Variants in BCAS3 observed in about 807,000 individuals in gnomAD.
BCAS3 encodes the protein BCAS4/BCAS3 fusion.
Under a neutral mutation model 116.1 loss-of-function variants are expected in BCAS3, and 53 were observed. The ratio of observed to expected loss-of-function variants is 0.46; its 90% CI spans 0.37 to 0.57. The LOEUF (loss-of-function observed/expected upper bound fraction) is 0.57. BCAS3 is among the 20% of genes least tolerant of loss of function. The probability of loss-of-function intolerance (pLI) is 0.00; values close to 1 mark genes in which losing one functional copy is unlikely to be tolerated. For missense variants in BCAS3, 917 were observed against 1,165.4 expected (o/e 0.79, Z 3.10); for synonymous variants, 391 against 408.2 (o/e 0.96, Z 0.51).
intron 7 of BCAS3, among the ~76,000 whole-genome samples, chr17:60,822,359 A>G (rs866792648): frequency 1.3e-5 from 2 of 152,062 alleles, no homozygotes; most frequent in Admixed American, 1.3e-4. Flanking sequence ...TTCATTTTCA[A>G]TCCTTAATTC....
chr17:61,235,521 G>A lies in BCAS3; in HGVS notation c.2426-132806G>A, dbSNP rs1447208333. On this transcript the variant is annotated intron_variant, in intron 22 of 23. Coordinates refer to ENST00000407086, the MANE Select transcript of BCAS3 (RefSeq NM_017679.5). The surrounding 1 kb of genome is among the most constrained non-coding windows in gnomAD (Gnocchi z 5.0). ...GGCTTAATTTCATTCCAAACAGATT[G>A]TGAGGTGACTACGTAGTACAGAAGT... 6.6e-6 allele frequency among the ~76,000 whole-genome samples: 1 copy of A among 152,158 alleles called. No homozygotes were observed. Among genetic ancestry groups the A allele is most frequent in the Non-Finnish European group, 1.5e-5 (1 of 68,026 alleles).
chr17:61,190,892 C>T (rs1417492751), intron 22 of BCAS3, among the ~76,000 whole-genome samples: 5 of 152,014 alleles, frequency 3.3e-5, no homozygotes, highest in South Asian at 2.1e-4. Context: ...TGTGAGCCAC[C>T]GTGCCTGGAC....
At chr17:61,121,814 T>C (rs1207177311) in intron 22 of BCAS3, among the ~76,000 whole-genome samples, 1 of 152,226 alleles carries the variant, frequency 6.6e-6, no homozygotes, top group Admixed American at 6.5e-5. Flanking sequence ...CACTGCAATT[T>C]CCGCCTCCCG....
At chr17:60,761,041 T>A (rs1426692649) in intron 6 of BCAS3, among the ~76,000 whole-genome samples, 1 of 152,136 alleles carries the variant, frequency 6.6e-6, no homozygotes, top group African/African-American at 2.4e-5. Context: ...ATAATTCTTC[T>A]GTTCTAGAAT....
At position 61,013,829 on chromosome 17, in the gene BCAS3, G is replaced by C. The variant is rs1282829886; in HGVS notation, c.1487-1922G>C. On this transcript the variant is annotated intron_variant, in intron 15 of 23. Transcript: ENST00000407086. This position sits in a 1 kb window ranked among gnomAD's most constrained non-coding sequence, Gnocchi z 4.4. ...GTGTCCAAGGAAGAAGTAACATTTG[G>C]TTAAGCCACTATCCTAATTCTGAAG... Among the ~76,000 whole-genome samples, 1 of 152,050 alleles carries C rather than the reference G, an allele frequency of 6.6e-6. No homozygotes were observed. The highest frequency in any genetic ancestry group is 1.9e-4 in the East Asian group (1 of 5,200).
At chr17:60,734,956 A>C (rs1598371990) in intron 5 of BCAS3, among the ~76,000 whole-genome samples, 1 of 152,214 alleles carries the variant, frequency 6.6e-6, no homozygotes, top group African/African-American at 2.4e-5. Flanking sequence ...CTATCCATGA[A>C]TATGGAATGT....
At chr17:60,775,023 G>A (rs897030798) in intron 6 of BCAS3, among the ~76,000 whole-genome samples, 1 of 152,124 alleles carries the variant, frequency 6.6e-6, no homozygotes, top group Non-Finnish European at 1.5e-5. Context: ...TTAGGATAGC[G>A]CTTGGCATGT....
chr17:61,168,710 C>G (rs2078663694), intron 22 of BCAS3, among the ~76,000 whole-genome samples: 1 of 152,198 alleles, frequency 6.6e-6, no homozygotes, highest in Non-Finnish European at 1.5e-5. Flanking sequence ...GCTGCAAGAT[C>G]TGAGTCAGCG....
chr17:60,902,563 A>G, intron 10 of BCAS3, 57 bp from the exon 11 acceptor site: 2 of 1,367,036 alleles, frequency 1.5e-6, no homozygotes, highest in Non-Finnish European at 2.1e-6. Context: ...GATAGCCTGT[A>G]GAGTTAAACA....
intron 19 of BCAS3, among the ~76,000 whole-genome samples, chr17:61,055,004 G>C (rs147586138): frequency 6.6e-6 from 1 of 152,198 alleles, no homozygotes; most frequent in East Asian, 1.9e-4. Flanking sequence ...GCTATCTCAC[G>C]TAAGTTTAAG....
intron 6 of BCAS3, among the ~76,000 whole-genome samples, chr17:60,780,324 T>A (rs1487683024): frequency 6.7e-6 from 1 of 149,560 alleles, no homozygotes; most frequent in Admixed American, 6.7e-5. Context: ...TGAGACAGTG[T>A]CACCCTGTTG....
chr17:61,276,352 C>T lies in BCAS3; in HGVS notation c.2426-91975C>T, dbSNP rs115946613. The stretch of plus-strand genomic sequence containing the variant: ...TGGGCTACAGGACGAGACTCCATCT[C>T]AAAAACAAACAAACAAACAAACAAA... On this transcript the variant is annotated intron_variant, in intron 22 of 23. Coordinates refer to ENST00000407086, the MANE Select transcript of BCAS3 (RefSeq NM_017679.5). The surrounding 1 kb of genome is among the most constrained non-coding windows in gnomAD (Gnocchi z 4.2). Among the ~76,000 whole-genome samples, 2,979 of 151,942 alleles carry T rather than the reference C, an allele frequency of 0.02. 89 individuals are homozygous for T. Among genetic ancestry groups the T allele is most frequent in the African/African-American group, 0.067 (2,767 of 41,372 alleles).
intron 22 of BCAS3, among the ~76,000 whole-genome samples, chr17:61,182,899 T>A (rs2079560582): frequency 1.3e-5 from 2 of 152,266 alleles, no homozygotes. Context: ...TTTGCCTTTA[T>A]CTTCACTTGA....
chr17:61,328,506 C>T (rs1415349053), intron 22 of BCAS3, among the ~76,000 whole-genome samples: 3 of 152,236 alleles, frequency 2.0e-5, no homozygotes, highest in Non-Finnish European at 4.4e-5. Context: ...GTGGCTCACA[C>T]CTGTAATCCC....
chr17:60,751,581 T>A (rs944489014), intron 6 of BCAS3, among the ~76,000 whole-genome samples: 1 of 151,740 alleles, frequency 6.6e-6, no homozygotes. Context: ...TCACTCTTGT[T>A]GCCCAGGCTG....
rs2058826846 is a variant in BCAS3 at position 61,367,930 on chromosome 17, G to A, written c.2426-397G>A. ...CAAAGTGTTGGGATTGCAGGTGTAA[G>A]GCACCACTCCCCGCCCTAAATGAAA... is the stretch of plus-strand genomic sequence containing the variant. On this transcript the variant is annotated intron_variant, in intron 22 of 23. Coordinates refer to ENST00000407086, the MANE Select transcript of BCAS3 (RefSeq NM_017679.5). This position sits in a 1 kb window ranked among gnomAD's most constrained non-coding sequence, Gnocchi z 6.2. 2 of 157,300 alleles carry A rather than the reference G, an allele frequency of 1.3e-5. No homozygotes were observed. Among genetic ancestry groups the A allele is most frequent in the Admixed American group, 6.4e-5 (1 of 15,528 alleles). The allele number at this position is 157,300 out of a possible 1,614,324, so 9.7% of individuals were successfully genotyped here.
rs1157675046 is a variant in BCAS3 at position 60,817,808 on chromosome 17, TTGAC to T, written c.476+9734_476+9737del. Among the ~76,000 whole-genome samples the T allele has an allele frequency of 2.6e-5, 4 of 152,124 alleles. No individual in the cohort carries two copies. In the South Asian group the frequency reaches 6.2e-4, roughly 24 times the overall value. On this transcript the variant is annotated intron_variant, in intron 7 of 23. Coordinates refer to ENST00000407086, the MANE Select transcript of BCAS3 (RefSeq NM_017679.5). ...GCAAGAACATATGAAAAAATTATAATTGACTATCAGTTAATACTTTAAATTTACT... is the reference window on the plus strand; with the variant it reads ...GCAAGAACATATGAAAAAATTATAATTATCAGTTAATACTTTAAATTTACT...
rs1016731481 is a variant in BCAS3, at chr17:61,211,092, G to A, written c.2425+126528G>A. 6.6e-6 allele frequency among the ~76,000 whole-genome samples: 1 copy of A among 152,028 alleles called. No individual in the cohort carries two copies. The highest frequency in any genetic ancestry group is 1.5e-5 in the Non-Finnish European group (1 of 67,996). On this transcript the variant is annotated intron_variant, in intron 22 of 23. Coordinates refer to ENST00000407086, the MANE Select transcript of BCAS3 (RefSeq NM_017679.5). The surrounding 1 kb of genome is among the most constrained non-coding windows in gnomAD (Gnocchi z 4.4). ...GGACAGGAGAAAAGGCCTGAGGCAC[G>A]GGGGAGAAAAGGCAGTTGCAGATAG...
chr17:61,154,616 A>AT (rs968620264), intron 22 of BCAS3, among the ~76,000 whole-genome samples: 3 of 150,732 alleles, frequency 2.0e-5, no homozygotes, highest in African/African-American at 7.3e-5. Flanking sequence ...TTTACTTTTT[A>AT]TTTTTTTCTA....
Sources: gnomAD v4.1 joint callset for allele counts (sites outside exome capture counted in the v4.1 genomes callset) on GRCh38, gnomAD v4.1.1 for gene constraint, Gnocchi (gnomAD v3.1) non-coding constraint, MANE v1.5 for transcripts, NCBI Gene and HGNC (gene_info 2026-07-23, HGNC 2026-07-21) for gene names.